Variants in CFAP251 observed in about 807,000 individuals in gnomAD.
The protein encoded by CFAP251 is cilia and flagella associated protein 251, also known as cilia- and flagella-associated protein 251.
CFAP251 carries 93 observed loss-of-function variants against 126.7 expected under a neutral mutation model. The ratio of observed to expected loss-of-function variants is 0.73; its 90% CI spans 0.62 to 0.87. CFAP251 has a LOEUF of 0.87. Ranked by LOEUF, CFAP251 falls within the 40% of genes least tolerant of loss-of-function variation. The pLI, the probability that CFAP251 is intolerant of heterozygous loss-of-function variation, is 0.00. For synonymous variants in CFAP251, 503 were observed against 506.9 expected (o/e 0.99, Z 0.10); for missense variants, 1,287 against 1,389.2 (o/e 0.93, Z 1.17).
At chr12:121,930,935 G>T (rs1015126736) in intron 3 of CFAP251, among the ~76,000 whole-genome samples, 1 of 152,040 alleles carries the variant, frequency 6.6e-6, no homozygotes, top group Non-Finnish European at 1.5e-5. Context: ...TTTTAGTAGA[G>T]ATGAGGTTTC....
rs138079782 is a variant in CFAP251, at chr12:121,977,533, G to A, written c.3006+1848G>A. 2.2e-3 allele frequency among the ~76,000 whole-genome samples: 334 copies of A among 152,234 alleles called. 1 individual carries two copies. The highest frequency in any genetic ancestry group is 7.5e-3 in the African/African-American group (310 of 41,534). On this transcript the variant is annotated intron_variant, in intron 19 of 21. Transcript: ENST00000288912. ...AAATTAGCTGGGCATGGTGGCGCACGCCTGTAGTCCCAGCTACTTGGGAGG... is the reference window on the plus strand; with the variant it reads ...AAATTAGCTGGGCATGGTGGCGCACACCTGTAGTCCCAGCTACTTGGGAGG...
At chr12:121,993,718 A>C (rs1164784984) in intron 19 of CFAP251, among the ~76,000 whole-genome samples, 9 of 121,502 alleles carry the variant, frequency 7.4e-5, no homozygotes, top group African/African-American at 1.6e-4. Context: ...AAGTGAGGAG[A>C]CCCTCTGCCT....
Position 121,934,279 on chromosome 12 carries a change from C to T in CFAP251, c.921C>T (p.Val307=). The T allele has an allele frequency of 6.2e-7, 1 of 1,614,088 alleles. No individual in the cohort carries two copies. Among genetic ancestry groups the T allele is most frequent in the Non-Finnish European group, 8.5e-7 (1 of 1,180,008 alleles). The change falls in exon 5 of 22, where the codon GTC becomes GTT. Residue 307 remains valine (V), a synonymous_variant. Transcript: ENST00000288912. ...GHANIISCLC[V]SEDRRWIATA... is the part of the protein sequence containing the mutation. Reference sequence around the variant, plus strand: ...CCAATATTATCTCCTGCCTCTGCGTCAGTGAAGACAGGCGGTGGATCGCCA... The same window carrying T: ...CCAATATTATCTCCTGCCTCTGCGTTAGTGAAGACAGGCGGTGGATCGCCA...
chr12:121,921,545 G>A lies in CFAP251; in HGVS notation c.240G>A (p.Lys80=), dbSNP rs1157928200. Residue 80 remains lysine (K), a synonymous_variant, in exon 2 of 22, where the codon AAG becomes AAA. Transcript: ENST00000288912. ...KKIVMEETEE[K]AGEVQEKEAS... ...TTGTCATGGAAGAAACTGAGGAAAA[G>A]GCTGGAGAAGTCCAAGAGAAGGAGG... The A allele has an allele frequency of 3.7e-6, 6 of 1,613,676 alleles. No homozygotes were observed. Among genetic ancestry groups the A allele is most frequent in the African/African-American group, 1.3e-5 (1 of 74,784 alleles).
At chr12:121,987,918 A>G (rs948906485) in intron 19 of CFAP251, among the ~76,000 whole-genome samples, 2 of 152,058 alleles carry the variant, frequency 1.3e-5, no homozygotes, top group African/African-American at 4.8e-5. Context: ...AGAAAACCCT[A>G]AAAATTCTGG....
chr12:121,940,323 C>A (rs892185115), intron 5 of CFAP251, among the ~76,000 whole-genome samples: 1 of 152,178 alleles, frequency 6.6e-6, no homozygotes, highest in Non-Finnish European at 1.5e-5. Flanking sequence ...TCACTAAGGA[C>A]TTCACTGTGT....
chr12:121,968,147 G>A lies in CFAP251; in HGVS notation c.2749G>A (p.Val917Met). The A allele has an allele frequency of 5.6e-6, 9 of 1,608,150 alleles. No individual in the cohort carries two copies. The highest frequency in any genetic ancestry group is 7.7e-6 in the Non-Finnish European group (9 of 1,175,466). The change falls in exon 17 of 22, where the codon GTG becomes ATG. Residue 917 changes from valine to methionine, a missense_variant. Physicochemically the swap from Val to Met is conservative, Grantham distance 21. Coordinates refer to ENST00000288912, the MANE Select transcript of CFAP251 (RefSeq NM_144668.6). ...FTAGGHDRSVVQWKITLSVLE... is the reference protein window; with the variant it reads ...FTAGGHDRSVMQWKITLSVLE... The stretch of plus-strand genomic sequence containing the variant: ...TGCGGGAGGGCACGATCGCTCGGTG[G>A]TGCAGTGGAAAATCACCTTAAGGTA...
chr12:121,985,926 T>C (rs939390467), intron 19 of CFAP251, among the ~76,000 whole-genome samples: 4 of 152,158 alleles, frequency 2.6e-5, no homozygotes, highest in Admixed American at 6.6e-5. Flanking sequence ...GAGGCCAAAG[T>C]GGAAGGACCG....
intron 17 of CFAP251, chr12:121,969,282 T>G: frequency 1.0e-6 from 1 of 985,418 alleles, no homozygotes; most frequent in Non-Finnish European, 1.2e-6. Context: ...GGTTTGAGAT[T>G]GCACTTGCAG....
chr12:121,971,950 C>G, intron 17 of CFAP251: 1 of 265,074 alleles, frequency 3.8e-6, no homozygotes, highest in East Asian at 9.8e-5. Context: ...AAACCTGTTT[C>G]ACTTGGCTCT....
intron 5 of CFAP251, among the ~76,000 whole-genome samples, chr12:121,935,742 A>G (rs945405567): frequency 2.6e-5 from 4 of 152,216 alleles, no homozygotes; most frequent in African/African-American, 7.2e-5. Context: ...CAGATAAACC[A>G]GTCCAGGTGG....
intron 8 of CFAP251, chr12:121,950,412 ACCG>A (rs1881478630): frequency 6.6e-6 from 1 of 152,204 alleles, no homozygotes; most frequent in Non-Finnish European, 1.5e-5. Flanking sequence ...TGTATGAAAC[ACCG>A]CTGAATTGCA....
intron 3 of CFAP251, among the ~76,000 whole-genome samples, chr12:121,926,718 G>C (rs1311958817): frequency 6.6e-6 from 1 of 152,162 alleles, no homozygotes; most frequent in East Asian, 1.9e-4. Context: ...CCCAAGGTGG[G>C]TGGATCACCT....
chr12:121,952,378 C>T (rs919425504), intron 9 of CFAP251, among the ~76,000 whole-genome samples: 1 of 150,562 alleles, frequency 6.6e-6, no homozygotes, highest in Admixed American at 6.6e-5. Flanking sequence ...TGTGTTTGTG[C>T]CACTGCATTC....
chr12:121,970,243 C>T (rs1348241400), intron 17 of CFAP251, among the ~76,000 whole-genome samples: 1 of 152,162 alleles, frequency 6.6e-6, no homozygotes, highest in Admixed American at 6.5e-5. Flanking sequence ...TTCTCCTGCT[C>T]CGTGCTAGCA....
chr12:121,926,548 G>A (rs994323943), intron 3 of CFAP251, among the ~76,000 whole-genome samples: 3 of 151,690 alleles, frequency 2.0e-5, no homozygotes, highest in Non-Finnish European at 4.4e-5. Context: ...GGCTGGCCTT[G>A]AACTCCTAAG....
intron 1 of CFAP251, among the ~76,000 whole-genome samples, chr12:121,920,176 C>T (rs1030407945): frequency 7.1e-6 from 1 of 140,548 alleles, no homozygotes; most frequent in African/African-American, 2.6e-5. Flanking sequence ...AAGAACAAAA[C>T]TCTGTCTCAA....
intron 19 of CFAP251, among the ~76,000 whole-genome samples, chr12:121,995,271 G>A (rs1435675942): frequency 2.0e-5 from 3 of 152,194 alleles, no homozygotes; most frequent in Non-Finnish European, 4.4e-5. Flanking sequence ...GCATTCCTAT[G>A]TAGTAATACT....
Position 121,989,948 on chromosome 12 carries a change from G to A in CFAP251, c.3007-9768G>A, listed in dbSNP as rs945089496. Among the ~76,000 whole-genome samples, 7 of 152,114 alleles carry A rather than the reference G, an allele frequency of 4.6e-5. No individual in the cohort carries two copies. Among genetic ancestry groups the A allele is most frequent in the African/African-American group, 9.7e-5 (4 of 41,400 alleles). On this transcript the variant is annotated intron_variant, in intron 19 of 21. Coordinates refer to ENST00000288912, the MANE Select transcript of CFAP251 (RefSeq NM_144668.6). This position sits in a 1 kb window ranked among gnomAD's most constrained non-coding sequence, Gnocchi z 4.2. ...AGGGATCACAGACCCAAAGGCCTGC[G>A]TCATCAATGACAGAGGCAGAAATAA...
Sources: gnomAD v4.1 joint callset for allele counts (sites outside exome capture counted in the v4.1 genomes callset) on GRCh38, gnomAD v4.1.1 for gene constraint, Gnocchi (gnomAD v3.1) non-coding constraint, MANE v1.5 for transcripts, NCBI Gene and HGNC (gene_info 2026-07-23, HGNC 2026-07-21) for gene names.